SOD3: variants seen among roughly 807,000 people sequenced by gnomAD.
SOD3 encodes superoxide dismutase 3.
In SOD3, 3 loss-of-function variants were observed where a neutral mutation model predicts 2.6. The observed-to-expected ratio is 1.13, with a 90% CI of 0.52 to 2.93. The LOEUF (loss-of-function observed/expected upper bound fraction) is 2.93. Among genes scored for constraint, SOD3 ranks in the 30% most tolerant of loss-of-function variants. The pLI is 0.04. For synonymous variants in SOD3, 188 were observed against 177.5 expected (o/e 1.06, Z -0.47); for missense variants, 379 against 370.4 (o/e 1.02, Z -0.19).
rs1161946104 is a variant in SOD3, at chr4:24,795,636, TGGA to T, written c.-27_-25del. 6.6e-5 allele frequency: 10 copies of T among 152,366 alleles called. No homozygotes were observed. Among genetic ancestry groups the T allele is most frequent in the African/African-American group, 2.4e-4 (10 of 41,540 alleles). 9.4% of individuals were successfully genotyped at this position (152,366 alleles called of 1,614,324 possible). On this transcript the variant is annotated 5_prime_UTR_variant, in exon 1 of 2. Transcript: ENST00000382120. The stretch of plus-strand genomic sequence containing the variant: ...CTCTTTTCAGGAGAGAAAGCTCTCT[TGGA>T]GGAGCTGGAAAGGTGGGTGCTAAGT...
In SOD3 at chr4:24,800,532, C is replaced by G. The variant is rs1033695859; in HGVS notation, c.*288C>G. The G allele has an allele frequency of 3.3e-6, 1 of 304,718 alleles. No homozygotes were observed. Among genetic ancestry groups the G allele is most frequent in the African/African-American group, 2.2e-5 (1 of 45,736 alleles). The allele number at this position is 304,718 out of a possible 1,614,324, so 18.9% of individuals were successfully genotyped here. A position where few individuals can be genotyped will look rare whatever the true frequency, so the allele number is the denominator to read the frequency against. ...ACAGCCTCCTAGGCTCCCTGAGGTA[C>G]CTTTCCACCCAGACCCTCCTTCCCC... On this transcript the variant is annotated 3_prime_UTR_variant, in exon 2 of 2. Transcript: ENST00000382120.
Position 24,800,203 on chromosome 4 carries a change from C to T in SOD3, c.682C>T (p.Arg228Cys). ...WERQAREHSERKKRRRESECK... is the reference protein window; with the variant it reads ...WERQAREHSECKKRRRESECK... ...GCGCCAGGCGCGGGAGCACTCAGAGCGCAAGAAGCGGCGGCGCGAGAGCGA... is the reference window on the plus strand; with the variant it reads ...GCGCCAGGCGCGGGAGCACTCAGAGTGCAAGAAGCGGCGGCGCGAGAGCGA... The change falls in exon 2 of 2, where the codon CGC (arginine) becomes TGC (cysteine). Residue 228 changes from arginine to cysteine, a missense_variant. Coordinates refer to ENST00000382120, the MANE Select transcript of SOD3 (RefSeq NM_003102.4). 7.0e-7 allele frequency: 1 copy of T among 1,433,322 alleles called. No individual in the cohort carries two copies. Among genetic ancestry groups the T allele is most frequent in the Non-Finnish European group, 9.1e-7 (1 of 1,099,700 alleles). The allele number at this position is 1,433,322 out of a possible 1,614,324, so 88.8% of individuals were successfully genotyped here. A position where few individuals can be genotyped will look rare whatever the true frequency, so the allele number is the denominator to read the frequency against.
chr4:24,799,163 G>A (rs948745310), intron 1 of SOD3, among the ~76,000 whole-genome samples: 2 of 152,138 alleles, frequency 1.3e-5, no homozygotes, highest in Non-Finnish European at 2.9e-5. Flanking sequence ...GTGGGGAGAT[G>A]AGGGAGGTGG....
chr4:24,796,435 CTTTTTTTTTTTTTT>C (rs34368349), intron 1 of SOD3, among the ~76,000 whole-genome samples: 1 of 71,938 alleles, frequency 1.4e-5, no homozygotes, highest in Non-Finnish European at 2.2e-5. Context: ...TCCTTCTTCT[CTTTTTTTTTTTTTT>C]TTTTTTTTTT....
chr4:24,797,713 A>G (rs1713713216), intron 1 of SOD3, among the ~76,000 whole-genome samples: 1 of 152,234 alleles, frequency 6.6e-6, no homozygotes, highest in African/African-American at 2.4e-5. Context: ...TCTGGAATCC[A>G]TCCCTTTAAT....
Position 24,800,390 on chromosome 4 carries a change from G to A in SOD3, c.*146G>A. 1.2e-6 allele frequency: 1 copy of A among 848,650 alleles called. No homozygotes were observed. Among genetic ancestry groups the A allele is most frequent in the Non-Finnish European group, 1.6e-6 (1 of 613,918 alleles). The allele number at this position is 848,650 out of a possible 1,614,324, so 52.6% of individuals were successfully genotyped here. A position where few individuals can be genotyped will look rare whatever the true frequency, so the allele number is the denominator to read the frequency against. On this transcript the variant is annotated 3_prime_UTR_variant, in exon 2 of 2. Coordinates refer to ENST00000382120, the MANE Select transcript of SOD3 (RefSeq NM_003102.4). ...TCCCCGCAGCCCTCTCCACCCAGAG[G>A]TCTCCCTATACCGAGACCCACCATC...
In SOD3 at chr4:24,800,218, C is replaced by T; in HGVS notation, c.697C>T (p.Arg233Cys). The T allele has an allele frequency of 7.0e-7, 1 of 1,429,946 alleles. No homozygotes were observed. Among genetic ancestry groups the T allele is most frequent in the Admixed American group, 3.0e-5 (1 of 33,612 alleles). The allele number at this position is 1,429,946 out of a possible 1,614,324, so 88.6% of individuals were successfully genotyped here. Residue 233 changes from arginine to cysteine, a missense_variant, in exon 2 of 2, where the codon CGC becomes TGC. Coordinates refer to ENST00000382120, the MANE Select transcript of SOD3 (RefSeq NM_003102.4). ...GCACTCAGAGCGCAAGAAGCGGCGG[C>T]GCGAGAGCGAGTGCAAGGCCGCCTG... Reference protein sequence around the residue: ...REHSERKKRRRESECKAA With the variant: ...REHSERKKRRCESECKAA
rs1451449437 is a variant in SOD3 at position 24,799,966 on chromosome 4, T to G, written c.445T>G (p.Phe149Val). The G allele has an allele frequency of 4.4e-6, 7 of 1,588,716 alleles. No homozygotes were observed. The highest frequency in any genetic ancestry group is 6.0e-6 in the Non-Finnish European group (7 of 1,175,190). ...HPQHPGDFGNFAVRDGSLWRY... is the reference protein window; with the variant it reads ...HPQHPGDFGNVAVRDGSLWRY... The stretch of plus-strand genomic sequence containing the variant: ...GCAGCACCCGGGCGACTTCGGCAAC[T>G]TCGCGGTCCGCGACGGCAGCCTCTG... Residue 149 changes from phenylalanine to valine, a missense_variant, in exon 2 of 2, where the codon TTC becomes GTC. Physicochemically the swap from Phe to Val is conservative, Grantham distance 50 (BLOSUM62 -1). Coordinates refer to ENST00000382120, the MANE Select transcript of SOD3 (RefSeq NM_003102.4).
At chr4:24,797,212 C>G (rs1050733627) in intron 1 of SOD3, among the ~76,000 whole-genome samples, 1 of 152,190 alleles carries the variant, frequency 6.6e-6, no homozygotes, top group Non-Finnish European at 1.5e-5. Flanking sequence ...TTACTGGGAA[C>G]TTTCTATGTA....
chr4:24,800,212 C>T lies in SOD3; in HGVS notation c.691C>T (p.Arg231Trp). 2 of 1,431,424 alleles carry T rather than the reference C, an allele frequency of 1.4e-6. No homozygotes were observed. Among genetic ancestry groups the T allele is most frequent in the Non-Finnish European group, 1.8e-6 (2 of 1,098,106 alleles). 88.7% of individuals were successfully genotyped at this position (1,431,424 alleles called of 1,614,324 possible). The change falls in exon 2 of 2, where the codon CGG (arginine) becomes TGG (tryptophan). Residue 231 changes from arginine to tryptophan, a missense_variant. Arg to Trp is a moderately radical substitution (Grantham distance 101). Coordinates refer to ENST00000382120, the MANE Select transcript of SOD3 (RefSeq NM_003102.4). ...GCGGGAGCACTCAGAGCGCAAGAAG[C>T]GGCGGCGCGAGAGCGAGTGCAAGGC... Reference protein sequence around the residue: ...QAREHSERKKRRRESECKAA With the variant: ...QAREHSERKKWRRESECKAA
At chr4:24,798,403 T>C (rs141248960) in intron 1 of SOD3, among the ~76,000 whole-genome samples, 130 of 152,236 alleles carry the variant, frequency 8.5e-4, no homozygotes, top group African/African-American at 3.0e-3. Flanking sequence ...CACTGTGCCT[T>C]CATCTTCCAT....
chr4:24,795,753 CAT>C (rs1577361608), intron 1 of SOD3, 102 bp downstream of exon 1: 1 of 152,364 alleles, frequency 6.6e-6, no homozygotes, highest in Non-Finnish European at 1.5e-5. Context: ...CAAATTGGAT[CAT>C]CTTCTTGGGA....
chr4:24,797,292 GAC>G (rs977202311), intron 1 of SOD3, among the ~76,000 whole-genome samples: 1 of 152,224 alleles, frequency 6.6e-6, no homozygotes, highest in Non-Finnish European at 1.5e-5. Context: ...GCTTGGAGCA[GAC>G]ACACACTTTC....
At chr4:24,797,172 C>A (rs909370228) in intron 1 of SOD3, among the ~76,000 whole-genome samples, 21 of 8,680 alleles carry the variant, frequency 2.4e-3, no homozygotes, top group African/African-American at 3.2e-3. Flanking sequence ...TCTCTACCAG[C>A]AGCTCTCTCT....
In SOD3 at chr4:24,799,750, C is replaced by G. The variant is rs1398422686; in HGVS notation, c.229C>G (p.Arg77Gly). ...GGCCACGCTGGACGCCGCGCAGCCC[C>G]GGGTGACCGGCGTCGTCCTCTTCCG... Reference protein sequence around the residue: ...PSATLDAAQPRVTGVVLFRQL... With the variant: ...PSATLDAAQPGVTGVVLFRQL... The change falls in exon 2 of 2, where the codon CGG becomes GGG. Residue 77 changes from arginine to glycine, a missense_variant. Transcript: ENST00000382120. 12 of 1,562,388 alleles carry G rather than the reference C, an allele frequency of 7.7e-6. No individual in the cohort carries two copies. The East Asian group carries it at 1.7e-4, about 22-fold the overall frequency.
At position 24,800,421 on chromosome 4, in the gene SOD3, A is replaced by C; in HGVS notation, c.*177A>C. ...CTATACCGAGACCCACCATCCTTCCATCCTGAGGACCGCCCCAACCCTCGG... is the reference window on the plus strand; with the variant it reads ...CTATACCGAGACCCACCATCCTTCCCTCCTGAGGACCGCCCCAACCCTCGG... On this transcript the variant is annotated 3_prime_UTR_variant, in exon 2 of 2. Transcript: ENST00000382120. 1.1e-5 allele frequency: 6 copies of C among 568,518 alleles called. No individual in the cohort carries two copies. The highest frequency in any genetic ancestry group is 1.4e-5 in the Non-Finnish European group (5 of 369,732). 35.2% of individuals were successfully genotyped at this position (568,518 alleles called of 1,614,324 possible).
At chr4:24,796,435 CTTTTTTTTTT>C (rs34368349) in intron 1 of SOD3, among the ~76,000 whole-genome samples, 3 of 71,938 alleles carry the variant, frequency 4.2e-5, no homozygotes, top group East Asian at 5.7e-4. Context: ...TCCTTCTTCT[CTTTTTTTTTT>C]TTTTTTTTTT....
intron 1 of SOD3, among the ~76,000 whole-genome samples, chr4:24,798,277 G>A (rs1039961550): frequency 2.6e-5 from 4 of 152,104 alleles, no homozygotes; most frequent in East Asian, 1.9e-4. Flanking sequence ...CTGGGCACCC[G>A]CCAGCGTCTC....
chr4:24,800,166 C>G lies in SOD3; in HGVS notation c.645C>G (p.Pro215=), dbSNP rs36097928. ...LACCVVGVCG[P]GLWERQAREH... is the part of the protein sequence containing the mutation. ...GCTGCGTGGTGGGCGTGTGCGGGCC[C>G]GGGCTCTGGGAGCGCCAGGCGCGGG... The change falls in exon 2 of 2, where the codon CCC becomes CCG. Residue 215 remains proline, a synonymous_variant. Transcript: ENST00000382120. 208 of 1,417,666 alleles carry G rather than the reference C, an allele frequency of 1.5e-4. 1 individual carries two copies. The African/African-American group carries it at 2.6e-3, about 18-fold the overall frequency. 87.8% of individuals were successfully genotyped at this position (1,417,666 alleles called of 1,614,324 possible). A position where few individuals can be genotyped will look rare whatever the true frequency, so the allele number is the denominator to read the frequency against.
Sources: gnomAD v4.1 joint callset for allele counts (sites outside exome capture counted in the v4.1 genomes callset) on GRCh38, gnomAD v4.1.1 for gene constraint, MANE v1.5 for transcripts, NCBI Gene and HGNC (gene_info 2026-07-23, HGNC 2026-07-21) for gene names.